POLR3A: variants seen among roughly 807,000 people sequenced by gnomAD.
POLR3A encodes RNA polymerase III subunit A, also known as DNA-directed RNA polymerase III subunit RPC1.
Under a neutral mutation model 152.8 loss-of-function variants are expected in POLR3A, and 112 were observed. The observed-to-expected ratio is 0.73, with a 90% CI of 0.63 to 0.86. POLR3A has a LOEUF of 0.86. POLR3A is among the 40% of genes least tolerant of loss of function. The probability of loss-of-function intolerance (pLI) is 0.00; values close to 1 mark genes in which losing one functional copy is unlikely to be tolerated. For missense variants in POLR3A, 1,385 were observed against 1,743.1 expected, an observed-to-expected ratio of 0.79 and a Z score of 3.66; for synonymous variants, 615 against 652.1, an observed-to-expected ratio of 0.94 and a Z score of 0.87.
intron 21 of POLR3A, 38 bp downstream of exon 21, chr10:77,991,016 C>T (rs1218281172): frequency 1.7e-6 from 2 of 1,172,762 alleles, no homozygotes; most frequent in Non-Finnish European, 2.6e-6. Flanking sequence ...TTACGACAGC[C>T]AGGCTGGGTG....
chr10:77,995,035 A>C (rs1190367933), intron 19 of POLR3A, among the ~76,000 whole-genome samples: 3 of 152,226 alleles, frequency 2.0e-5, no homozygotes, highest in Non-Finnish European at 2.9e-5. Flanking sequence ...GAATTTTCAA[A>C]ACAGAATTTC....
rs534589535 is a variant in POLR3A, at chr10:77,977,103, G to A, written c.*375C>T. The A allele has an allele frequency of 2.5e-5, 7 of 281,090 alleles. No homozygotes were observed. The highest frequency in any genetic ancestry group is 8.7e-5 in the South Asian group (2 of 22,996). The allele number at this position is 281,090 out of a possible 1,614,324, so 17.4% of individuals were successfully genotyped here. On this transcript the variant is annotated 3_prime_UTR_variant, in exon 31 of 31. Transcript: ENST00000372371. The stretch of plus-strand genomic sequence containing the variant: ...GTGTGGGGCTCAGGCCTGGCTCATC[G>A]TCAGGTGTGAAGACACCATGGGGAG...
rs561196016 is a variant in POLR3A at position 77,979,503 on chromosome 10, TC to T, written c.4024+637del. Among the ~76,000 whole-genome samples, 691 of 152,236 alleles carry T rather than the reference TC, an allele frequency of 4.5e-3. 6 individuals are homozygous for T. Among genetic ancestry groups the T allele is most frequent in the African/African-American group, 0.016 (674 of 41,542 alleles). ...AGGGAAGCCAGACACTGGGGAGAGT[TC>T]CCCTCGTGCTCCCTCTCCCCCAGGC... On this transcript the variant is annotated intron_variant, in intron 30 of 30. Transcript: ENST00000372371.
chr10:78,021,714 A>G (rs556583758), intron 7 of POLR3A, 32 bp from the exon 8 acceptor site: 12 of 1,613,690 alleles, frequency 7.4e-6, no homozygotes, highest in Non-Finnish European at 9.3e-6. Context: ...ATAGGTCCCC[A>G]TGGCATACCA....
At chr10:77,998,864 C>T (rs1012720718) in intron 19 of POLR3A, among the ~76,000 whole-genome samples, 11 of 152,080 alleles carry the variant, frequency 7.2e-5, no homozygotes, top group African/African-American at 1.2e-4. Context: ...ATGTTTATAG[C>T]GGCACTATTC....
Position 78,014,217 on chromosome 10 carries a change from T to C in POLR3A, c.1432-427A>G, listed in dbSNP as rs146334518. On this transcript the variant is annotated intron_variant, in intron 10 of 30. Coordinates refer to ENST00000372371, the MANE Select transcript of POLR3A (RefSeq NM_007055.4). ...GCTTTATTAGATTGAACCAAAGCAG[T>C]GAATTTCAACAAAGGCGCCAGTGTG... 2.6e-3 allele frequency among the ~76,000 whole-genome samples: 387 copies of C among 150,670 alleles called. 4 individuals are homozygous for C. The highest frequency in any genetic ancestry group is 0.017 in the Middle Eastern group (5 of 288).
chr10:77,982,515 T>C (rs1847156800), intron 27 of POLR3A, 138 bp downstream of exon 27: 3 of 912,262 alleles, frequency 3.3e-6, no homozygotes, highest in Non-Finnish European at 3.5e-6. Flanking sequence ...GAGAGGAATC[T>C]AACAGACTAA....
chr10:78,020,065 T>C (rs1847563422), intron 8 of POLR3A: 1 of 150,084 alleles, frequency 6.7e-6, no homozygotes, highest in Non-Finnish European at 1.5e-5. Flanking sequence ...TCCTAGCTAC[T>C]CAGGAGGCTG....
At chr10:77,991,467 A>AT (rs1429836490) in intron 20 of POLR3A, among the ~76,000 whole-genome samples, 1 of 152,184 alleles carries the variant, frequency 6.6e-6, no homozygotes, top group Non-Finnish European at 1.5e-5. Context: ...ATAAGCTGTT[A>AT]TTTAAAAAAC....
chr10:77,980,106 G>T (rs1469429719), intron 30 of POLR3A, 35 bp downstream of exon 30: 16 of 1,597,998 alleles, frequency 1.0e-5, no homozygotes, highest in Non-Finnish European at 1.3e-5. Context: ...AATAGTAAAG[G>T]CCTTTGATGC....
intron 11 of POLR3A, among the ~76,000 whole-genome samples, chr10:78,011,534 C>A (rs1210776528): frequency 6.6e-6 from 1 of 152,152 alleles, no homozygotes; most frequent in Admixed American, 6.5e-5. Flanking sequence ...CCACTTACTT[C>A]TGAGCCACTA....
In POLR3A at chr10:78,001,100, G is replaced by T. The variant is rs770834190; in HGVS notation, c.2360-6C>A. The T allele has an allele frequency of 3.5e-6, 5 of 1,430,856 alleles. No individual in the cohort carries two copies. The Admixed American group carries it at 6.7e-5, about 19-fold the overall frequency. 88.6% of individuals were successfully genotyped at this position (1,430,856 alleles called of 1,614,324 possible). Reference sequence around the variant, plus strand: ...TGATATGTTAATGAAGGAACCTGGGGACATGGACCAGAAATGTAACATTCA... The same window carrying T: ...TGATATGTTAATGAAGGAACCTGGGTACATGGACCAGAAATGTAACATTCA... On this transcript the variant is annotated splice_polypyrimidine_tract_variant and splice_region_variant and intron_variant, in intron 17 of 30. Transcript: ENST00000372371.
rs777280350 is a variant in POLR3A, at chr10:78,024,592, AT to A, written c.601del (p.Ile201LeufsTer18). 1.5e-5 allele frequency: 25 copies of A among 1,613,890 alleles called. No homozygotes were observed. Among genetic ancestry groups the A allele is most frequent in the Non-Finnish European group, 2.0e-5 (24 of 1,180,010 alleles). ...SNFLQSFETA[I>X]EHNKEVEPLL... Reference sequence around the variant, plus strand: ...AGGCTCCACTTCTTTATTATGTTCAATGGCTGTTTCAAAAGACTGAAGGAAA... The same window carrying A: ...AGGCTCCACTTCTTTATTATGTTCAAGGCTGTTTCAAAAGACTGAAGGAAA... On this transcript the variant is annotated frameshift_variant, in exon 5 of 31. Coordinates refer to ENST00000372371, the MANE Select transcript of POLR3A (RefSeq NM_007055.4). LOFTEE classifies it high-confidence loss of function.
chr10:77,993,900 C>G (rs1424107527), intron 19 of POLR3A, among the ~76,000 whole-genome samples: 1 of 152,136 alleles, frequency 6.6e-6, no homozygotes, highest in Non-Finnish European at 1.5e-5. Context: ...CGTCCACCAG[C>G]TGAACACTCC....
chr10:77,982,294 C>T lies in POLR3A; in HGVS notation c.3619G>A (p.Val1207Met). ...PKVVVQGIPE[V>M]SRAVIHIDEQ... ...TCAATGTGGATGACAGCTCTGGACA[C>T]CTCTGGAATGCCCTGCACCACCACC... The change falls in exon 28 of 31, where the codon GTG becomes ATG. Residue 1207 changes from valine to methionine, a missense_variant. Val to Met is a conservative substitution (Grantham distance 21, BLOSUM62 1). Coordinates refer to ENST00000372371, the MANE Select transcript of POLR3A (RefSeq NM_007055.4). The T allele has an allele frequency of 1.2e-6, 2 of 1,614,046 alleles. No individual in the cohort carries two copies. The highest frequency in any genetic ancestry group is 1.7e-6 in the Non-Finnish European group (2 of 1,179,994).
At chr10:77,983,251 G>C (rs1453450742) in intron 26 of POLR3A, among the ~76,000 whole-genome samples, 2 of 152,238 alleles carry the variant, frequency 1.3e-5, no homozygotes, top group Non-Finnish European at 2.9e-5. Flanking sequence ...GGCAGCAAGA[G>C]ACAGGCTAGA....
intron 9 of POLR3A, 57 bp downstream of exon 9, chr10:78,019,105 A>T: frequency 8.5e-7 from 1 of 1,170,772 alleles, no homozygotes; most frequent in Non-Finnish European, 1.3e-6. Context: ...GAGTATGACC[A>T]CAGTGAGCTT....
chr10:78,026,200 G>C lies in POLR3A; in HGVS notation c.74C>G (p.Pro25Arg), dbSNP rs1479629547. ...ISHICFGMKS[P>R]EEMRQQAHIQ... Reference sequence around the variant, plus strand: ...GTGCGCCTGCTGGCGCATCTCCTCAGGTGACTTCATTCCAAAACAGATGTG... The same window carrying C: ...GTGCGCCTGCTGGCGCATCTCCTCACGTGACTTCATTCCAAAACAGATGTG... Residue 25 changes from proline to arginine, a missense_variant, in exon 2 of 31, where the codon CCT becomes CGT. Pro to Arg is a moderately radical substitution (Grantham distance 103). This residue lies in a region of POLR3A where 493 missense variants were observed against 647.5 expected (regional missense o/e 0.76). Coordinates refer to ENST00000372371, the MANE Select transcript of POLR3A (RefSeq NM_007055.4). 6.2e-7 allele frequency: 1 copy of C among 1,614,194 alleles called. No individual in the cohort carries two copies. Among genetic ancestry groups the C allele is most frequent in the Non-Finnish European group, 8.5e-7 (1 of 1,180,028 alleles).
chr10:77,984,000 T>C lies in POLR3A; in HGVS notation c.3349A>G (p.Ile1117Val), dbSNP rs1847173152. 6.2e-7 allele frequency: 1 copy of C among 1,608,006 alleles called. No homozygotes were observed. The highest frequency in any genetic ancestry group is 1.3e-5 in the African/African-American group (1 of 74,794). ...TCATCAGGAAGAAACACTTCTTCAA[T>C]ATACTCGGAAATCTGGAGTGTCAAA... The part of the protein sequence containing the change: ...KTLLGEISEY[I>V]EEVFLPDDCF... Residue 1117 changes from isoleucine to valine, a missense_variant, in exon 26 of 31, where the codon ATT (isoleucine) becomes GTT (valine). Physicochemically the swap from Ile to Val is conservative, Grantham distance 29. Transcript: ENST00000372371.
Sources: gnomAD v4.1 joint callset for allele counts (sites outside exome capture counted in the v4.1 genomes callset) on GRCh38, gnomAD v4.1.1 for gene constraint, gnomAD v4.1.1 regional missense constraint, MANE v1.5 for transcripts, NCBI Gene and HGNC (gene_info 2026-07-23, HGNC 2026-07-21) for gene names.